The following DCDC1 variants were observed in gnomAD, a reference collection of about 807,000 sequenced individuals.
DCDC1 encodes the protein doublecortin domain containing 1.
Under a neutral mutation model 178.3 loss-of-function variants are expected in DCDC1, and 200 were observed. The ratio of observed to expected loss-of-function variants is 1.12; its 90% CI spans 1.00 to 1.26. The LOEUF (loss-of-function observed/expected upper bound fraction) is 1.26. DCDC1 is among the 50% of genes most tolerant of loss of function. DCDC1 has a pLI of 0.00. For missense variants in DCDC1, 1,983 were observed against 1,749.2 expected (o/e 1.13, Z -2.38); for synonymous variants, 690 against 604.8 (o/e 1.14, Z -2.07).
At position 31,037,229 on chromosome 11, in the gene DCDC1, G is replaced by A. The variant is rs1489207131; in HGVS notation, c.2591+27240C>T. On this transcript the variant is annotated intron_variant, in intron 20 of 38. Transcript: ENST00000684477. ...AGGTCTATAATTGTGCACATATGGCGCCATATTGAAAAGGCATAAAAGCCA... is the reference window on the plus strand; with the variant it reads ...AGGTCTATAATTGTGCACATATGGCACCATATTGAAAAGGCATAAAAGCCA... Among the ~76,000 whole-genome samples the A allele has an allele frequency of 7.2e-5, 11 of 152,156 alleles. No individual in the cohort carries two copies. The South Asian group carries it at 2.1e-3, about 29-fold the overall frequency.
At chr11:30,987,218 T>C (rs1950704424) in intron 20 of DCDC1, among the ~76,000 whole-genome samples, 1 of 152,070 alleles carries the variant, frequency 6.6e-6, no homozygotes, top group Non-Finnish European at 1.5e-5. Context: ...GATTTCCCTA[T>C]GTTGGCCAGG....
At chr11:30,955,273 C>G (rs2134515421) in intron 20 of DCDC1, among the ~76,000 whole-genome samples, 1 of 152,240 alleles carries the variant, frequency 6.6e-6, no homozygotes. Flanking sequence ...CCAAAGATCC[C>G]CAGTCGCTTT....
At chr11:30,964,605 G>A (rs192374097) in intron 20 of DCDC1, among the ~76,000 whole-genome samples, 5 of 152,218 alleles carry the variant, frequency 3.3e-5, no homozygotes, top group Middle Eastern at 3.4e-3. Flanking sequence ...GTTACCCAGA[G>A]TATGTAGGAA....
chr11:31,065,142 C>T lies in DCDC1; in HGVS notation c.2310G>A (p.Gln770=). 1 of 759,970 alleles carries T rather than the reference C, an allele frequency of 1.3e-6. No individual in the cohort carries two copies. The highest frequency in any genetic ancestry group is 1.4e-5 in the South Asian group (1 of 73,456). 47.1% of individuals were successfully genotyped at this position (759,970 alleles called of 1,614,324 possible). ...DGCIYSKAYP[Q]FVLTYLEELN... ...GCTCCTCTAGGTAGGTCAGAACAAA[C>T]TGAGGATAAGCCTGTAAGAAAGGAA... The change falls in exon 19 of 39, where the codon CAG becomes CAA. Residue 770 remains glutamine (Q), a synonymous_variant. Coordinates refer to ENST00000684477, the MANE Select transcript of DCDC1 (RefSeq NM_001387274.1).
intron 9 of DCDC1, among the ~76,000 whole-genome samples, chr11:31,192,325 C>G (rs1591362563): frequency 6.6e-6 from 1 of 152,024 alleles, no homozygotes; most frequent in Admixed American, 6.6e-5. Context: ...AGGAAAAACC[C>G]CTTCGCATGA....
At chr11:31,172,088 T>C (rs1225279684) in intron 9 of DCDC1, among the ~76,000 whole-genome samples, 2 of 152,192 alleles carry the variant, frequency 1.3e-5, no homozygotes, top group Admixed American at 1.3e-4. Context: ...CAGATTTCCA[T>C]TATGTTACAG....
intron 9 of DCDC1, among the ~76,000 whole-genome samples, chr11:31,155,695 T>A (rs1426339035): frequency 6.6e-6 from 1 of 152,110 alleles, no homozygotes; most frequent in East Asian, 1.9e-4. Flanking sequence ...AAGTGTGGAA[T>A]TTGGAGGGAA....
chr11:31,264,276 T>C (rs1006598222), intron 8 of DCDC1, among the ~76,000 whole-genome samples: 1 of 152,164 alleles, frequency 6.6e-6, no homozygotes, highest in Non-Finnish European at 1.5e-5. Flanking sequence ...AAAATCCAAG[T>C]ACTATTTATT....
intron 21 of DCDC1, among the ~76,000 whole-genome samples, chr11:30,948,698 C>G (rs1016610106): frequency 6.6e-6 from 1 of 152,130 alleles, no homozygotes; most frequent in Non-Finnish European, 1.5e-5. Context: ...AGAAATAACA[C>G]CACACATCTA....
At chr11:30,912,463 T>C (rs753983961) in intron 27 of DCDC1, among the ~76,000 whole-genome samples, 8 of 152,070 alleles carry the variant, frequency 5.3e-5, no homozygotes, top group Non-Finnish European at 1.0e-4. Context: ...TTTGTATTTT[T>C]AGTAGAGACG....
At chr11:31,270,903 A>G (rs1945503711) in intron 7 of DCDC1, among the ~76,000 whole-genome samples, 1 of 152,174 alleles carries the variant, frequency 6.6e-6, no homozygotes, top group Non-Finnish European at 1.5e-5. Flanking sequence ...TGTGGGCACA[A>G]TGAGAGGCCT....
At chr11:31,168,968 G>C (rs1966880159) in intron 9 of DCDC1, among the ~76,000 whole-genome samples, 1 of 152,136 alleles carries the variant, frequency 6.6e-6, no homozygotes, top group South Asian at 2.1e-4. Context: ...TAACAGCAAA[G>C]AGATGGAACC....
At chr11:31,322,014 T>C (rs1046616531) in intron 3 of DCDC1, among the ~76,000 whole-genome samples, 2 of 152,222 alleles carry the variant, frequency 1.3e-5, no homozygotes, top group Admixed American at 1.3e-4. Context: ...TGTCAGATCA[T>C]AGTTATTCCT....
intron 20 of DCDC1, among the ~76,000 whole-genome samples, chr11:30,997,435 C>A (rs1297437135): frequency 2.0e-5 from 3 of 151,984 alleles, no homozygotes; most frequent in Admixed American, 1.3e-4. Context: ...AACATAACCT[C>A]ACTGAAGGGG....
At chr11:31,214,074 A>G (rs915525158) in intron 9 of DCDC1, among the ~76,000 whole-genome samples, 1 of 151,926 alleles carries the variant, frequency 6.6e-6, no homozygotes, top group African/African-American at 2.4e-5. Flanking sequence ...GATAATTGCT[A>G]CATTTAAAAA....
At chr11:31,169,035 G>A (rs192049245) in intron 9 of DCDC1, among the ~76,000 whole-genome samples, 17 of 152,228 alleles carry the variant, frequency 1.1e-4, no homozygotes, top group African/African-American at 1.9e-4. Flanking sequence ...CATATACACC[G>A]TGGAACACTA....
chr11:31,227,108 A>G (rs1383285841), intron 9 of DCDC1, among the ~76,000 whole-genome samples: 1 of 152,194 alleles, frequency 6.6e-6, no homozygotes, highest in East Asian at 1.9e-4. Context: ...CAAGCCAAAA[A>G]GATATAGCTA....
Position 30,952,453 on chromosome 11 carries a change from G to C in DCDC1, c.2707C>G (p.Leu903Val), listed in dbSNP as rs775232261. The change falls in exon 21 of 39, where the codon CTT becomes GTT. Residue 903 changes from leucine (L) to valine (V), a missense_variant. Leu to Val is a conservative substitution (Grantham distance 32). Coordinates refer to ENST00000684477, the MANE Select transcript of DCDC1 (RefSeq NM_001387274.1). ...AAGCTAAGCAACACAACCTCATTAA[G>C]TTGGCCACTGGGAAGGACAGGCCAC... Reference protein sequence around the residue: ...YMWPVLPSGQLNEEFDWPIQG... With the variant: ...YMWPVLPSGQVNEEFDWPIQG... The C allele has an allele frequency of 6.4e-7, 1 of 1,566,356 alleles. No homozygotes were observed. The highest frequency in any genetic ancestry group is 2.3e-5 in the East Asian group (1 of 44,424).
At position 31,127,459 on chromosome 11, in the gene DCDC1, C is replaced by T. The variant is rs528128789; in HGVS notation, c.1485+10G>A. 92 of 701,240 alleles carry T rather than the reference C, an allele frequency of 1.3e-4. 1 individual carries two copies. The highest frequency in any genetic ancestry group is 1.2e-3 in the African/African-American group (68 of 57,272). 43.4% of individuals were successfully genotyped at this position (701,240 alleles called of 1,614,324 possible). Reference sequence around the variant, plus strand: ...GCTGAATCCAATGAGAGGCACAGAACGACACCCACCTTAAGCTGCAGGCCT... The same window carrying T: ...GCTGAATCCAATGAGAGGCACAGAATGACACCCACCTTAAGCTGCAGGCCT... On this transcript the variant is annotated intron_variant, in intron 11 of 38. Transcript: ENST00000684477.
Sources: gnomAD v4.1 joint callset for allele counts (sites outside exome capture counted in the v4.1 genomes callset) on GRCh38, gnomAD v4.1.1 for gene constraint, MANE v1.5 for transcripts, NCBI Gene and HGNC (gene_info 2026-07-23, HGNC 2026-07-21) for gene names.